CR1L: variants seen among roughly 807,000 people sequenced by gnomAD.
CR1L encodes complement component receptor 1-like protein.
Under a neutral mutation model 62.3 loss-of-function variants are expected in CR1L, and 59 were observed. That is an observed-to-expected ratio of 0.95 (90% CI 0.77 to 1.18). The LOEUF is 1.18. CR1L is among the 50% of genes most tolerant of loss of function. The pLI is 0.00. For synonymous variants in CR1L, 279 were observed against 248.7 expected (o/e 1.12, Z -1.15); for missense variants, 700 against 702.8 (o/e 1.00, Z 0.04).
At chr1:207,652,994 TCAAA>T in intron 1 of CR1L, 1 of 241,418 alleles carries the variant, frequency 4.1e-6, no homozygotes, top group Non-Finnish European at 8.1e-6. Context: ...GCCCATGCAT[TCAAA>T]ACCGCAATGC....
chr1:207,670,854 A>G (rs1332918736), intron 1 of CR1L, among the ~76,000 whole-genome samples: 1 of 151,164 alleles, frequency 6.6e-6, no homozygotes, highest in Non-Finnish European at 1.5e-5. Context: ...TAACCTCCAA[A>G]TGTGAAACAG....
rs757036319 is a variant in CR1L, at chr1:207,703,263, TG to T, written c.1328+1648del. Among the ~76,000 whole-genome samples the T allele has an allele frequency of 1.1e-3, 164 of 152,344 alleles. 1 individual carries two copies. The highest frequency in any genetic ancestry group is 3.4e-3 in the Middle Eastern group (1 of 294). Reference sequence around the variant, plus strand: ...TAGCTAGAGAGGAGAAGCCAATGCCTGGGTTCAAAGCTTCAAAGGATAGGCT... The same window carrying T: ...TAGCTAGAGAGGAGAAGCCAATGCCTGGTTCAAAGCTTCAAAGGATAGGCT... On this transcript the variant is annotated intron_variant, in intron 9 of 11. Coordinates refer to ENST00000508064, the MANE Select transcript of CR1L (RefSeq NM_175710.2).
chr1:207,691,063 T>C (rs1663988382), intron 4 of CR1L, among the ~76,000 whole-genome samples: 1 of 152,236 alleles, frequency 6.6e-6, no homozygotes, highest in South Asian at 2.1e-4. Flanking sequence ...ATTCAACCCA[T>C]TACAATCCCC....
chr1:207,712,943 A>G (rs1237709934), intron 10 of CR1L, among the ~76,000 whole-genome samples: 1 of 152,210 alleles, frequency 6.6e-6, no homozygotes, highest in Non-Finnish European at 1.5e-5. Flanking sequence ...GAGCTGACCT[A>G]GTAGATAAGA....
At chr1:207,670,979 A>G in intron 1 of CR1L, among the ~76,000 whole-genome samples, 1 of 151,104 alleles carries the variant, frequency 6.6e-6, no homozygotes, top group East Asian at 1.9e-4. Context: ...TAAGAGAAAG[A>G]GCTATGCTCC....
intron 1 of CR1L, among the ~76,000 whole-genome samples, chr1:207,662,098 C>G (rs1663433860): frequency 6.6e-6 from 1 of 152,148 alleles, no homozygotes; most frequent in East Asian, 1.9e-4. Flanking sequence ...TTCATTTCAA[C>G]TTTGGTGAAT....
chr1:207,691,192 AT>A (rs1407372896), intron 4 of CR1L, among the ~76,000 whole-genome samples: 19 of 152,246 alleles, frequency 1.2e-4, no homozygotes, highest in African/African-American at 4.6e-4. Context: ...CATTTGTTAA[AT>A]TTTTTGTTTA....
At chr1:207,717,932 A>T (rs1654041767) in intron 11 of CR1L, among the ~76,000 whole-genome samples, 1 of 152,196 alleles carries the variant, frequency 6.6e-6, no homozygotes, top group South Asian at 2.1e-4. Context: ...GAGGGTGGAC[A>T]GTGAAGAGAA....
intron 8 of CR1L, 51 bp downstream of exon 8, chr1:207,699,325 A>T: frequency 6.2e-7 from 1 of 1,607,186 alleles, no homozygotes; most frequent in Non-Finnish European, 8.5e-7. Flanking sequence ...TCATCTGTTC[A>T]GTATTTGACC....
chr1:207,660,404 T>A (rs929919035), intron 1 of CR1L, among the ~76,000 whole-genome samples: 3 of 152,182 alleles, frequency 2.0e-5, no homozygotes, highest in African/African-American at 7.2e-5. Flanking sequence ...GGAGTGGACC[T>A]CCAGCAAACT....
rs12729569 is a variant in CR1L at position 207,699,250 on chromosome 1, A to G, written c.1204A>G (p.Asn402Asp). 389,071 of 1,612,566 alleles carry G rather than the reference A, an allele frequency of 0.24. 51,358 individuals carry two copies. Among genetic ancestry groups the G allele is most frequent in the Non-Finnish European group, 0.28 (327,552 of 1,178,674 alleles). ...CVLAGMESLW[N>D]SSVPVCERKS... ...TTTGGCTGGAATGGAAAGCCTTTGG[A>G]ATAGCAGTGTTCCAGTGTGTGAACG... Residue 402 changes from asparagine (N) to aspartate (D), a missense_variant, in exon 8 of 12, where the codon AAT (asparagine) becomes GAT (aspartate). Transcript: ENST00000508064.
chr1:207,661,420 T>A (rs1291769931), intron 1 of CR1L, among the ~76,000 whole-genome samples: 1 of 152,140 alleles, frequency 6.6e-6, no homozygotes, highest in Non-Finnish European at 1.5e-5. Flanking sequence ...GTCTCTTTTG[T>A]TCTTTGTTGG....
chr1:207,700,945 T>C (rs900802165), intron 8 of CR1L, among the ~76,000 whole-genome samples: 3 of 152,262 alleles, frequency 2.0e-5, no homozygotes, highest in Admixed American at 6.5e-5. Context: ...TTCCCATGTC[T>C]GCAAAAGCTT....
chr1:207,699,130 T>C, intron 7 of CR1L, 59 bp from the exon 8 acceptor site: 1 of 1,608,662 alleles, frequency 6.2e-7, no homozygotes, highest in Non-Finnish European at 8.5e-7. Flanking sequence ...CCTTAGATTG[T>C]GAACTAAGTG....
chr1:207,679,139 A>G (rs1571515527), intron 3 of CR1L, among the ~76,000 whole-genome samples: 1 of 145,018 alleles, frequency 6.9e-6, no homozygotes, highest in South Asian at 2.2e-4. Flanking sequence ...CTGGGACAAC[A>G]GGTGCCCACC....
chr1:207,660,376 C>A (rs1190711682), intron 1 of CR1L, among the ~76,000 whole-genome samples: 2 of 152,196 alleles, frequency 1.3e-5, no homozygotes, highest in Admixed American at 6.5e-5. Context: ...GCTGGTGATA[C>A]CCACGCAAAC....
chr1:207,659,859 C>G (rs1338273826), intron 1 of CR1L, among the ~76,000 whole-genome samples: 1 of 152,262 alleles, frequency 6.6e-6, no homozygotes, highest in Non-Finnish European at 1.5e-5. Context: ...CCTCCTGTGC[C>G]TGGCTGGGGA....
intron 1 of CR1L, among the ~76,000 whole-genome samples, chr1:207,645,802 A>G (rs984439154): frequency 2.9e-4 from 44 of 152,112 alleles, no homozygotes; most frequent in Admixed American, 2.6e-4. Flanking sequence ...TAAGGGTTGC[A>G]GTGCGTCTGC....
chr1:207,710,075 T>C (rs1282687379), intron 10 of CR1L, among the ~76,000 whole-genome samples: 2 of 152,086 alleles, frequency 1.3e-5, no homozygotes, highest in Non-Finnish European at 2.9e-5. Flanking sequence ...CCGGGCACGA[T>C]GGCTCACGCC....
Sources: allele counts gnomAD v4.1 joint callset (sites outside exome capture counted in the v4.1 genomes callset), GRCh38; gene constraint gnomAD v4.1.1; transcripts MANE v1.5; gene names NCBI Gene and HGNC (gene_info 2026-07-23, HGNC 2026-07-21).